The following FBH1 variants were observed in gnomAD, a reference collection of about 807,000 sequenced individuals.
The protein encoded by FBH1 is DNA 3'-5' helicase 1.
A neutral mutation model predicts 115.5 loss-of-function variants in FBH1; 43 were observed. The observed-to-expected ratio is 0.37, with a 90% CI of 0.29 to 0.48. The LOEUF (loss-of-function observed/expected upper bound fraction) is 0.48, where lower values mean the gene tolerates loss of function less well. Among genes scored for constraint, FBH1 ranks in the 20% least tolerant of loss-of-function variants. The probability of loss-of-function intolerance (pLI) is 0.99; values close to 1 mark genes in which losing one functional copy is unlikely to be tolerated. For synonymous variants in FBH1, 524 were observed against 507.8 expected, an observed-to-expected ratio of 1.03 and a Z score of -0.43; for missense variants, 1,001 against 1,337.3, an observed-to-expected ratio of 0.75 and a Z score of 3.92.
chr10:5,913,859 A>G lies in FBH1; in HGVS notation c.1304+20A>G. 2 of 1,563,574 alleles carry G rather than the reference A, an allele frequency of 1.3e-6. No individual in the cohort carries two copies. The highest frequency in any genetic ancestry group is 1.4e-5 in the African/African-American group (1 of 72,972). ...GCCAGGGTATGTGTATATGTGCGTCAGCGTGTGTTTTGTCTTCTGTCGACT... is the reference window on the plus strand; with the variant it reads ...GCCAGGGTATGTGTATATGTGCGTCGGCGTGTGTTTTGTCTTCTGTCGACT... On this transcript the variant is annotated intron_variant, in intron 7 of 20. Coordinates refer to ENST00000362091, the MANE Select transcript of FBH1 (RefSeq NM_178150.3). This position sits in a 1 kb window ranked among gnomAD's most constrained non-coding sequence, Gnocchi z 4.4.
Position 5,910,325 on chromosome 10 carries a change from T to G in FBH1, c.1021-613T>G, listed in dbSNP as rs1831500734. ...AGATCTGTGTCCACTATTGACTGTT[T>G]CTGTGTAAGCGAACATTTACAGAGA... On this transcript the variant is annotated intron_variant, in intron 5 of 20. Transcript: ENST00000362091. This position sits in a 1 kb window ranked among gnomAD's most constrained non-coding sequence, Gnocchi z 4.8. 6.6e-6 allele frequency among the ~76,000 whole-genome samples: 1 copy of G among 152,188 alleles called. No homozygotes were observed. Among genetic ancestry groups the G allele is most frequent in the Non-Finnish European group, 1.5e-5 (1 of 68,030 alleles).
At chr10:5,903,931 C>T (rs1843532046) in intron 2 of FBH1, among the ~76,000 whole-genome samples, 1 of 152,216 alleles carries the variant, frequency 6.6e-6, no homozygotes, top group African/African-American at 2.4e-5. Context: ...GATTTTATCT[C>T]TGCTAAATCA....
intron 3 of FBH1, among the ~76,000 whole-genome samples, chr10:5,908,017 T>G (rs1843821287): frequency 6.6e-6 from 1 of 152,216 alleles, no homozygotes; most frequent in Non-Finnish European, 1.5e-5. Context: ...ATATGTTCGT[T>G]CAGCCCGCTT....
intron 1 of FBH1, among the ~76,000 whole-genome samples, chr10:5,894,735 A>G (rs1161974689): frequency 6.6e-6 from 1 of 152,244 alleles, no homozygotes; most frequent in Non-Finnish European, 1.5e-5. Context: ...AATGTGTGTT[A>G]CATGCTGGGT....
chr10:5,931,870 A>G lies in FBH1; in HGVS notation c.2829+4329A>G, dbSNP rs1351577487. Among the ~76,000 whole-genome samples, 1 of 152,196 alleles carries G rather than the reference A, an allele frequency of 6.6e-6. No homozygotes were observed. Among genetic ancestry groups the G allele is most frequent in the African/African-American group, 2.4e-5 (1 of 41,454 alleles). On this transcript the variant is annotated intron_variant, in intron 19 of 20. Transcript: ENST00000362091. This position sits in a 1 kb window ranked among gnomAD's most constrained non-coding sequence, Gnocchi z 4.3. The stretch of plus-strand genomic sequence containing the variant: ...CAAAGTCAAAACCTTGCGCCTGGGC[A>G]CAGTGGCTCACCCCTGTAATCCCAG...
Position 5,906,100 on chromosome 10 carries a change from A to T in FBH1, c.221A>T (p.Asp74Val), listed in dbSNP as rs1046742348. Residue 74 changes from aspartate (D) to valine (V), a missense_variant, in exon 3 of 21, where the codon GAC (aspartate) becomes GTC (valine). Asp to Val is a radical substitution (Grantham distance 152). Coordinates refer to ENST00000362091, the MANE Select transcript of FBH1 (RefSeq NM_178150.3). The surrounding 1 kb of genome is among the most constrained non-coding windows in gnomAD (Gnocchi z 7.3). Reference sequence around the variant, plus strand: ...GCAGGCAAGCAGCCGTGCACCAATGACATGGCCAAAAGCAATTCTGTTGGC... The same window carrying T: ...GCAGGCAAGCAGCCGTGCACCAATGTCATGGCCAAAAGCAATTCTGTTGGC... ...FLAGKQPCTNDMAKSNSVGQD... is the reference protein window; with the variant it reads ...FLAGKQPCTNVMAKSNSVGQD... The T allele has an allele frequency of 1.2e-5, 19 of 1,614,028 alleles. No individual in the cohort carries two copies. Among genetic ancestry groups the T allele is most frequent in the Non-Finnish European group, 1.5e-5 (18 of 1,180,018 alleles).
Position 5,916,241 on chromosome 10 carries a change from T to A in FBH1, c.1573T>A (p.Ser525Thr). The A allele has an allele frequency of 6.2e-7, 1 of 1,614,080 alleles. No individual in the cohort carries two copies. The highest frequency in any genetic ancestry group is 8.5e-7 in the Non-Finnish European group (1 of 1,179,982). Residue 525 changes from serine to threonine, a missense_variant, in exon 10 of 21, where the codon TCA becomes ACA. This residue lies in a region of FBH1 where 521 missense variants were observed against 811.0 expected (regional missense o/e 0.64). Transcript: ENST00000362091. ...AYGHIGRKYQ[S>T]KKKLNLFKLT... The stretch of plus-strand genomic sequence containing the variant: ...TTGGGATGGGTATTGCAGGTACCAG[T>A]CAAAGAAGAAGTTGAATCTCTTCAA...
In FBH1 at chr10:5,923,581, A is replaced by G; in HGVS notation, c.2323-40A>G. 6.5e-7 allele frequency: 1 copy of G among 1,549,578 alleles called. No homozygotes were observed. Among genetic ancestry groups the G allele is most frequent in the South Asian group, 1.1e-5 (1 of 87,270 alleles). On this transcript the variant is annotated intron_variant, in intron 15 of 20. Transcript: ENST00000362091. This position sits in a 1 kb window ranked among gnomAD's most constrained non-coding sequence, Gnocchi z 5.7. ...AACAACAAACAAAACAAAACAAAAA[A>G]CAACAAAAAAACAAAAATCCCACCA...
Position 5,897,620 on chromosome 10 carries a change from C to T in FBH1, c.2-5400C>T, listed in dbSNP as rs978442102. On this transcript the variant is annotated intron_variant, in intron 1 of 20. Transcript: ENST00000362091. The surrounding 1 kb of genome is among the most constrained non-coding windows in gnomAD (Gnocchi z 4.7). ...CCGCCAGCCAAACTATGGCTGGTAA[C>T]GCCATTCCAGTTATATAGGTTACTT... Among the ~76,000 whole-genome samples, 1 of 152,192 alleles carries T rather than the reference C, an allele frequency of 6.6e-6. No individual in the cohort carries two copies. Among genetic ancestry groups the T allele is most frequent in the African/African-American group, 2.4e-5 (1 of 41,456 alleles).
Position 5,909,477 on chromosome 10 carries a change from T to A in FBH1, c.1020+183T>A. 1 of 662,144 alleles carries A rather than the reference T, an allele frequency of 1.5e-6. No homozygotes were observed. Among genetic ancestry groups the A allele is most frequent in the Non-Finnish European group, 2.5e-6 (1 of 406,708 alleles). 41.0% of individuals were successfully genotyped at this position (662,144 alleles called of 1,614,324 possible). ...GGAGAAATAAAAGGCCATATAATTGTAGAGTCTTAGATGTAGATGAAATTT... is the reference window on the plus strand; with the variant it reads ...GGAGAAATAAAAGGCCATATAATTGAAGAGTCTTAGATGTAGATGAAATTT... On this transcript the variant is annotated intron_variant, in intron 5 of 20. Transcript: ENST00000362091. This position sits in a 1 kb window ranked among gnomAD's most constrained non-coding sequence, Gnocchi z 4.4.
intron 3 of FBH1, among the ~76,000 whole-genome samples, chr10:5,907,490 T>C (rs1843777425): frequency 6.7e-6 from 1 of 149,276 alleles, no homozygotes; most frequent in Admixed American, 6.6e-5. Context: ...TTTTTTTTTT[T>C]TGAGACAGAG....
rs1831402007 is a variant in FBH1, at chr10:5,909,146, G to A, written c.885-13G>A. On this transcript the variant is annotated splice_polypyrimidine_tract_variant and intron_variant, in intron 4 of 20. Transcript: ENST00000362091. This position sits in a 1 kb window ranked among gnomAD's most constrained non-coding sequence, Gnocchi z 4.4. ...TCACCCTACTCATGGCCTCTCCTGT[G>A]AATGTCTTACAGATACACAGCCACC... 8 of 1,613,452 alleles carry A rather than the reference G, an allele frequency of 5.0e-6. No homozygotes were observed. The highest frequency in any genetic ancestry group is 6.8e-6 in the Non-Finnish European group (8 of 1,179,918).
At chr10:5,928,072 CAAAAAAAAAA>C (rs1010342333) in intron 19 of FBH1, among the ~76,000 whole-genome samples, 143 of 24,766 alleles carry the variant, frequency 5.8e-3, no homozygotes, top group African/African-American at 0.016. Flanking sequence ...GACTCCATCT[CAAAAAAAAAA>C]AAAAAAAAAA....
In FBH1 at chr10:5,914,912, G is replaced by C. The variant is rs1023623589; in HGVS notation, c.1397-491G>C. ...ATTGTGCTGATCCTGATAGCATTCC[G>C]TAAGGTTGCTTAGTTATTCTTGTTT... On this transcript the variant is annotated intron_variant, in intron 8 of 20. Transcript: ENST00000362091. The surrounding 1 kb of genome is among the most constrained non-coding windows in gnomAD (Gnocchi z 5.2). Among the ~76,000 whole-genome samples, 7 of 152,088 alleles carry C rather than the reference G, an allele frequency of 4.6e-5. No homozygotes were observed. The highest frequency in any genetic ancestry group is 1.7e-4 in the African/African-American group (7 of 41,400).
intron 1 of FBH1, chr10:5,894,663 C>T (rs1283217868): frequency 7.2e-6 from 5 of 693,978 alleles, no homozygotes; most frequent in Non-Finnish European, 1.1e-5. Flanking sequence ...AGACAGCCCA[C>T]ACTTCAGAAG....
chr10:5,928,226 C>T (rs1053015938), intron 19 of FBH1: 1 of 148,116 alleles, frequency 6.8e-6, no homozygotes, highest in Non-Finnish European at 1.5e-5. Context: ...TCATCACTCA[C>T]TGTAACCTGG....
At position 5,890,334 on chromosome 10, in the gene FBH1, C is replaced by T. The variant is rs1048542474; in HGVS notation, c.-12C>T. ...GCGGCGGCGGCAGCGGGGTCCGGGT[C>T]CGGAGCGCCACAGTGCGTGAGGCCG... On this transcript the variant is annotated 5_prime_UTR_variant, in exon 1 of 21. Coordinates refer to ENST00000362091, the MANE Select transcript of FBH1 (RefSeq NM_178150.3). 6 of 377,232 alleles carry T rather than the reference C, an allele frequency of 1.6e-5. No homozygotes were observed. Among genetic ancestry groups the T allele is most frequent in the African/African-American group, 4.3e-5 (2 of 46,944 alleles). 23.4% of individuals were successfully genotyped at this position (377,232 alleles called of 1,614,324 possible). A position where few individuals can be genotyped will look rare whatever the true frequency, so the allele number is the denominator to read the frequency against.
At position 5,916,221 on chromosome 10, in the gene FBH1, A is replaced by T. The variant is rs1163316522; in HGVS notation, c.1566-13A>T. 10 of 1,611,696 alleles carry T rather than the reference A, an allele frequency of 6.2e-6. No individual in the cohort carries two copies. The highest frequency in any genetic ancestry group is 4.4e-5 in the South Asian group (4 of 91,012). On this transcript the variant is annotated splice_polypyrimidine_tract_variant and intron_variant, in intron 9 of 20. Coordinates refer to ENST00000362091, the MANE Select transcript of FBH1 (RefSeq NM_178150.3). ...GAGAGCCACGTGCTGTTCATTTGGGATGGGTATTGCAGGTACCAGTCAAAG... is the reference window on the plus strand; with the variant it reads ...GAGAGCCACGTGCTGTTCATTTGGGTTGGGTATTGCAGGTACCAGTCAAAG...
At chr10:5,905,997 C>T (rs747084470) in intron 2 of FBH1, 40 bp from the exon 3 acceptor site, 16 of 1,427,370 alleles carry the variant, frequency 1.1e-5, no homozygotes, top group East Asian at 2.3e-5. Flanking sequence ...CAACAGTCAT[C>T]GTTCATTTCT....
Sources: allele counts gnomAD v4.1 joint callset (sites outside exome capture counted in the v4.1 genomes callset), GRCh38; gene constraint gnomAD v4.1.1; regional missense constraint gnomAD v4.1.1; non-coding constraint Gnocchi (gnomAD v3.1); transcripts MANE v1.5; gene names NCBI Gene and HGNC (gene_info 2026-07-23, HGNC 2026-07-21).